The following GPC5 variants were observed in gnomAD, a reference collection of about 807,000 sequenced individuals.
GPC5 encodes the protein glypican 5.
A neutral mutation model predicts 53.9 loss-of-function variants in GPC5; 47 were observed. The ratio of observed to expected loss-of-function variants is 0.87; its 90% CI spans 0.69 to 1.11. GPC5 has a LOEUF of 1.11. Ranked by LOEUF, GPC5 falls within the 50% of genes most tolerant of loss-of-function variation. The pLI, the probability that GPC5 is intolerant of heterozygous loss-of-function variation, is 0.00. For synonymous variants in GPC5, 286 were observed against 263.3 expected, an observed-to-expected ratio of 1.09 and a Z score of -0.84; for missense variants, 748 against 713.1, an observed-to-expected ratio of 1.05 and a Z score of -0.56.
chr13:92,030,259 G>A (rs769251531), intron 6 of GPC5, among the ~76,000 whole-genome samples: 7 of 152,088 alleles, frequency 4.6e-5, no homozygotes, highest in Non-Finnish European at 8.8e-5. Context: ...GCCCTCAGTT[G>A]GGGACTCATG....
chr13:92,758,683 A>C (rs1312577345), intron 7 of GPC5, among the ~76,000 whole-genome samples: 1 of 152,058 alleles, frequency 6.6e-6, no homozygotes, highest in Non-Finnish European at 1.5e-5. Context: ...AAATAATCCC[A>C]TTTCTCTTCT....
At chr13:92,119,177 A>T (rs1270036202) in intron 6 of GPC5, among the ~76,000 whole-genome samples, 1 of 152,118 alleles carries the variant, frequency 6.6e-6, no homozygotes, top group Admixed American at 6.6e-5. Flanking sequence ...GCATTTGTGC[A>T]GGGGAACTCC....
intron 7 of GPC5, among the ~76,000 whole-genome samples, chr13:92,791,279 C>A (rs185050730): frequency 6.6e-6 from 1 of 151,974 alleles, no homozygotes; most frequent in African/African-American, 2.4e-5. Context: ...TTTTCACTAA[C>A]TAAAAATTTA....
At chr13:92,505,896 A>G (rs952467622) in intron 7 of GPC5, among the ~76,000 whole-genome samples, 2 of 152,174 alleles carry the variant, frequency 1.3e-5, no homozygotes, top group African/African-American at 4.8e-5. Context: ...GTGTGTGTTA[A>G]TCTCTAAAAA....
At chr13:91,893,063 G>A (rs1289152846) in intron 5 of GPC5, among the ~76,000 whole-genome samples, 2 of 151,866 alleles carry the variant, frequency 1.3e-5, no homozygotes, top group Non-Finnish European at 2.9e-5. Flanking sequence ...TGGACATTTT[G>A]TTGATAACTC....
At chr13:91,988,750 A>G (rs1298580141) in intron 6 of GPC5, among the ~76,000 whole-genome samples, 2 of 152,072 alleles carry the variant, frequency 1.3e-5, no homozygotes, top group East Asian at 1.9e-4. Context: ...CCCATTTTCC[A>G]TCAAGCTTTA....
intron 2 of GPC5, among the ~76,000 whole-genome samples, chr13:91,673,648 C>G (rs2035302892): frequency 6.6e-6 from 1 of 151,994 alleles, no homozygotes; most frequent in South Asian, 2.1e-4. Context: ...AGAAGCGTGC[C>G]CATTACTCCA....
intron 6 of GPC5, among the ~76,000 whole-genome samples, chr13:91,950,179 A>G (rs550412086): frequency 6.6e-6 from 1 of 150,866 alleles, no homozygotes. Flanking sequence ...CTCTTTTATG[A>G]TTTGCCACCA....
chr13:92,369,932 G>A (rs1012627071), intron 7 of GPC5, among the ~76,000 whole-genome samples: 1 of 152,198 alleles, frequency 6.6e-6, no homozygotes, highest in South Asian at 2.1e-4. Context: ...AACCTGTGCA[G>A]TATGGTGCTT....
chr13:92,840,092 T>TATATATATATATAC (rs1566440572), intron 7 of GPC5, among the ~76,000 whole-genome samples: 14 of 55,938 alleles, frequency 2.5e-4, no homozygotes, highest in African/African-American at 9.1e-4. Context: ...TATATATATA[T>TATATATATATATAC]ATATATATAT....
rs1034909459 is a variant in GPC5 at position 91,821,212 on chromosome 13, C to A, written c.1280+64792C>A. On this transcript the variant is annotated intron_variant, in intron 5 of 7. Transcript: ENST00000377067. ...CTCACACATCTATTTACAGTTATTC[C>A]CAGAATATCTAAATTGATATTCACT... 1.3e-4 allele frequency among the ~76,000 whole-genome samples: 20 copies of A among 151,934 alleles called. 1 individual carries two copies. Among genetic ancestry groups the A allele is most frequent in the African/African-American group, 4.6e-4 (19 of 41,352 alleles).
intron 6 of GPC5, among the ~76,000 whole-genome samples, chr13:92,067,491 G>A (rs1168402710): frequency 6.6e-6 from 1 of 151,956 alleles, no homozygotes; most frequent in South Asian, 2.1e-4. Flanking sequence ...TTCTCAAATA[G>A]TATGCAAACA....
At chr13:91,552,008 A>T (rs2030669413) in intron 2 of GPC5, among the ~76,000 whole-genome samples, 1 of 152,148 alleles carries the variant, frequency 6.6e-6, no homozygotes, top group African/African-American at 2.4e-5. Flanking sequence ...ATATTAACAG[A>T]AAGTAATATT....
At chr13:92,471,751 C>G (rs1878922864) in intron 7 of GPC5, among the ~76,000 whole-genome samples, 1 of 151,900 alleles carries the variant, frequency 6.6e-6, no homozygotes. Context: ...TTTGATTATT[C>G]AAAAAATCAC....
intron 6 of GPC5, among the ~76,000 whole-genome samples, chr13:92,039,420 G>T (rs2040924358): frequency 6.6e-6 from 1 of 152,182 alleles, no homozygotes; most frequent in Non-Finnish European, 1.5e-5. Context: ...CATAACAGCA[G>T]TGTAACTGTT....
At chr13:91,511,453 CT>C (rs1351711516) in intron 2 of GPC5, among the ~76,000 whole-genome samples, 1 of 151,794 alleles carries the variant, frequency 6.6e-6, no homozygotes, top group Non-Finnish European at 1.5e-5. Context: ...TTTCTGCTTC[CT>C]TTTCTCTTTC....
chr13:91,678,032 A>G (rs1293736233), intron 2 of GPC5, among the ~76,000 whole-genome samples: 1 of 152,244 alleles, frequency 6.6e-6, no homozygotes, highest in Non-Finnish European at 1.5e-5. Flanking sequence ...AAGAATTACA[A>G]TTTTTTTCTC....
At chr13:92,205,037 C>T (rs1379632799) in intron 7 of GPC5, among the ~76,000 whole-genome samples, 1 of 152,060 alleles carries the variant, frequency 6.6e-6, no homozygotes, top group Non-Finnish European at 1.5e-5. Flanking sequence ...CGCCACCACA[C>T]CTGGCTATTT....
intron 5 of GPC5, among the ~76,000 whole-genome samples, chr13:91,876,318 G>A (rs1033312989): frequency 2.0e-5 from 3 of 152,166 alleles, no homozygotes; most frequent in Non-Finnish European, 2.9e-5. Flanking sequence ...AGAACAGTTT[G>A]AAGGGCTCAG....
Sources: gnomAD v4.1 joint callset for allele counts (sites outside exome capture counted in the v4.1 genomes callset) on GRCh38, gnomAD v4.1.1 for gene constraint, MANE v1.5 for transcripts, NCBI Gene and HGNC (gene_info 2026-07-23, HGNC 2026-07-21) for gene names.